Variants in SLC35E3 observed in about 807,000 individuals in gnomAD.
SLC35E3 encodes solute carrier family 35 member E3.
A neutral mutation model predicts 30.8 loss-of-function variants in SLC35E3; 28 were observed. The observed-to-expected ratio is 0.91, with a 90% CI of 0.67 to 1.25. The LOEUF (loss-of-function observed/expected upper bound fraction) is 1.25, where lower values mean the gene tolerates loss of function less well. SLC35E3 is among the 50% of genes most tolerant of loss of function. The pLI is 0.00. For missense variants in SLC35E3, 365 were observed against 375.4 expected, an observed-to-expected ratio of 0.97 and a Z score of 0.23; for synonymous variants, 146 against 149.2, an observed-to-expected ratio of 0.98 and a Z score of 0.16.
chr12:68,761,563 A>T (rs1464002491), intron 4 of SLC35E3, among the ~76,000 whole-genome samples: 2 of 152,118 alleles, frequency 1.3e-5, no homozygotes, highest in Non-Finnish European at 2.9e-5. Context: ...CTACCACCAG[A>T]TGCCAGTAGC....
intron 4 of SLC35E3, 29 bp downstream of exon 4, chr12:68,759,268 A>G (rs892115085): frequency 1.5e-5 from 23 of 1,520,352 alleles, no homozygotes; most frequent in African/African-American, 2.8e-5. Flanking sequence ...TTAGAAATGC[A>G]TCGTCTTTTA....
Position 68,776,875 on chromosome 12 carries a change from A to G in SLC35E3, c.*11985A>G, listed in dbSNP as rs1879760828. 6.6e-6 allele frequency: 1 copy of G among 152,168 alleles called. No homozygotes were observed. Among genetic ancestry groups the G allele is most frequent in the Admixed American group, 6.6e-5 (1 of 15,258 alleles). 9.4% of individuals were successfully genotyped at this position (152,168 alleles called of 1,614,324 possible). A position where few individuals can be genotyped will look rare whatever the true frequency, so the allele number is the denominator to read the frequency against. ...GTTCCAGCCAGGAACAGACTTTCCC[A>G]CCAAGTGGGAGGTGGTCTACCTGCC... On this transcript the variant is annotated 3_prime_UTR_variant, in exon 5 of 5. Coordinates refer to ENST00000398004, the MANE Select transcript of SLC35E3 (RefSeq NM_018656.5).
rs1286733925 is a variant in SLC35E3, at chr12:68,777,214, A to G, written c.*12324A>G. The G allele has an allele frequency of 1.3e-5, 2 of 152,204 alleles. No homozygotes were observed. The highest frequency in any genetic ancestry group is 2.4e-5 in the African/African-American group (1 of 41,448). 9.4% of individuals were successfully genotyped at this position (152,204 alleles called of 1,614,324 possible). ...GCTGCATCAGAGGCCTCCCAGTGCCATAGGACCATGGACATTGGTGAGCAA... is the reference window on the plus strand; with the variant it reads ...GCTGCATCAGAGGCCTCCCAGTGCCGTAGGACCATGGACATTGGTGAGCAA... On this transcript the variant is annotated 3_prime_UTR_variant, in exon 5 of 5. Coordinates refer to ENST00000398004, the MANE Select transcript of SLC35E3 (RefSeq NM_018656.5).
At chr12:68,757,517 CCT>C (rs1437959657) in intron 3 of SLC35E3, among the ~76,000 whole-genome samples, 1 of 152,094 alleles carries the variant, frequency 6.6e-6, no homozygotes, top group Non-Finnish European at 1.5e-5. Flanking sequence ...CATTTGTCCC[CCT>C]GTGCCCAGCC....
intron 4 of SLC35E3, among the ~76,000 whole-genome samples, chr12:68,759,703 TAAA>T (rs765439476): frequency 7.3e-6 from 1 of 136,716 alleles, no homozygotes. Context: ...GACTCTGTCT[TAAA>T]AAAAAAAAAA....
At chr12:68,749,094 T>C (rs1440957282) in intron 2 of SLC35E3, among the ~76,000 whole-genome samples, 3 of 152,342 alleles carry the variant, frequency 2.0e-5, no homozygotes, top group South Asian at 2.1e-4. Flanking sequence ...GAGCAAGTAA[T>C]TGTACTCCTT....
chr12:68,751,027 G>A (rs1592534791), intron 2 of SLC35E3, among the ~76,000 whole-genome samples: 1 of 152,084 alleles, frequency 6.6e-6, no homozygotes, highest in African/African-American at 2.4e-5. Flanking sequence ...TTTTGTGGAC[G>A]AATGGGATTT....
At position 68,779,330 on chromosome 12, in the gene SLC35E3, T is replaced by C. The variant is rs1243680077; in HGVS notation, c.*14440T>C. The C allele has an allele frequency of 1.3e-5, 2 of 152,200 alleles. No individual in the cohort carries two copies. Among genetic ancestry groups the C allele is most frequent in the African/African-American group, 4.8e-5 (2 of 41,464 alleles). The allele number at this position is 152,200 out of a possible 1,614,324, so 9.4% of individuals were successfully genotyped here. A position where few individuals can be genotyped will look rare whatever the true frequency, so the allele number is the denominator to read the frequency against. On this transcript the variant is annotated 3_prime_UTR_variant, in exon 5 of 5. Coordinates refer to ENST00000398004, the MANE Select transcript of SLC35E3 (RefSeq NM_018656.5). ...AAAAGATTTTTGTTTTCTGTACATT[T>C]ATTTAAATTTAAAAAGTATTTAAGC...
chr12:68,759,129 A>G (rs771853315), intron 3 of SLC35E3, 28 bp from the exon 4 acceptor site: 1 of 1,495,902 alleles, frequency 6.7e-7, no homozygotes, highest in East Asian at 2.3e-5. Context: ...AGTGCTTTGC[A>G]TTAATGGTTC....
Position 68,746,217 on chromosome 12 carries a change from CTGTTA to C in SLC35E3, c.-160_-156del. The C allele has an allele frequency of 3.2e-6, 2 of 634,342 alleles. No homozygotes were observed. Among genetic ancestry groups the C allele is most frequent in the Non-Finnish European group, 5.3e-6 (2 of 378,028 alleles). 39.3% of individuals were successfully genotyped at this position (634,342 alleles called of 1,614,324 possible). A position where few individuals can be genotyped will look rare whatever the true frequency, so the allele number is the denominator to read the frequency against. The stretch of plus-strand genomic sequence containing the variant: ...AGGGCGGCGGCGGGGTGTGTGTCCT[CTGTTA>C]AGAGTGCTACTCGCCCGGGGTTGAT... On this transcript the variant is annotated 5_prime_UTR_variant, in exon 1 of 5. Coordinates refer to ENST00000398004, the MANE Select transcript of SLC35E3 (RefSeq NM_018656.5).
rs1879653235 is a variant in SLC35E3 at position 68,773,213 on chromosome 12, G to C, written c.*8323G>C. On this transcript the variant is annotated 3_prime_UTR_variant, in exon 5 of 5. Transcript: ENST00000398004. ...TACATTTAAGAATAAACTTTTGTAA[G>C]GAAGTAAAAAAGAGTCTACAGTTCA... 6.6e-6 allele frequency: 1 copy of C among 152,098 alleles called. No homozygotes were observed. The allele number at this position is 152,098 out of a possible 1,614,324, so 9.4% of individuals were successfully genotyped here.
Position 68,777,481 on chromosome 12 carries a change from T to C in SLC35E3, c.*12591T>C, listed in dbSNP as rs1879775287. 6.6e-6 allele frequency: 1 copy of C among 152,154 alleles called. No individual in the cohort carries two copies. The highest frequency in any genetic ancestry group is 6.6e-5 in the Admixed American group (1 of 15,262). 9.4% of individuals were successfully genotyped at this position (152,154 alleles called of 1,614,324 possible). On this transcript the variant is annotated 3_prime_UTR_variant, in exon 5 of 5. Transcript: ENST00000398004. ...AAATGCTGACATTCCTTCTGTCCAC[T>C]CCTCTCCCCACACTGCACTGTGTGG... is the stretch of plus-strand genomic sequence containing the variant.
Position 68,772,784 on chromosome 12 carries a change from C to A in SLC35E3, c.*7894C>A, listed in dbSNP as rs11616005. 0.19 allele frequency: 29,113 copies of A among 152,058 alleles called. 3,478 individuals are homozygous for A. Among genetic ancestry groups the A allele is most frequent in the South Asian group, 0.36 (1,722 of 4,816 alleles). 9.4% of individuals were successfully genotyped at this position (152,058 alleles called of 1,614,324 possible). On this transcript the variant is annotated 3_prime_UTR_variant, in exon 5 of 5. Transcript: ENST00000398004. Reference sequence around the variant, plus strand: ...ATCCAACGATCTGTATCAACCACGTCTTCATTTTCCTTTTCCTGTTTGTCT... The same window carrying A: ...ATCCAACGATCTGTATCAACCACGTATTCATTTTCCTTTTCCTGTTTGTCT...
In SLC35E3 at chr12:68,766,245, G is replaced by A. The variant is rs950781870; in HGVS notation, c.*1355G>A. ...CTCACACCTGTAATCCCAGCACTTTGGAAGGTTGAGGCAGGCAGATCACCT... is the reference window on the plus strand; with the variant it reads ...CTCACACCTGTAATCCCAGCACTTTAGAAGGTTGAGGCAGGCAGATCACCT... On this transcript the variant is annotated 3_prime_UTR_variant, in exon 5 of 5. Transcript: ENST00000398004. 1 of 152,038 alleles carries A rather than the reference G, an allele frequency of 6.6e-6. No homozygotes were observed. Among genetic ancestry groups the A allele is most frequent in the African/African-American group, 2.4e-5 (1 of 41,382 alleles). 9.4% of individuals were successfully genotyped at this position (152,038 alleles called of 1,614,324 possible).
intron 3 of SLC35E3, among the ~76,000 whole-genome samples, chr12:68,758,467 G>A (rs1418845254): frequency 5.3e-5 from 8 of 151,896 alleles, no homozygotes; most frequent in African/African-American, 1.9e-4. Context: ...AGATGTTAAT[G>A]TGTGGGTGGT....
In SLC35E3 at chr12:68,779,416, T is replaced by C. The variant is rs1879827046; in HGVS notation, c.*14526T>C. On this transcript the variant is annotated 3_prime_UTR_variant, in exon 5 of 5. Coordinates refer to ENST00000398004, the MANE Select transcript of SLC35E3 (RefSeq NM_018656.5). ...AATAGTGAGTCATTAGATTTCAAAA[T>C]ATTGGTATTGAACCAGATGGTCTTG... is the stretch of plus-strand genomic sequence containing the variant. 4 of 152,216 alleles carry C rather than the reference T, an allele frequency of 2.6e-5. No homozygotes were observed. Among genetic ancestry groups the C allele is most frequent in the Admixed American group, 2.6e-4 (4 of 15,276 alleles). The allele number at this position is 152,216 out of a possible 1,614,324, so 9.4% of individuals were successfully genotyped here.
chr12:68,748,384 G>A (rs1027669373), intron 2 of SLC35E3, among the ~76,000 whole-genome samples: 1 of 152,024 alleles, frequency 6.6e-6, no homozygotes, highest in African/African-American at 2.4e-5. Context: ...TTTTAACATT[G>A]TTGTGAAGGA....
At chr12:68,748,711 A>G (rs1878687550) in intron 2 of SLC35E3, among the ~76,000 whole-genome samples, 1 of 152,226 alleles carries the variant, frequency 6.6e-6, no homozygotes, top group Non-Finnish European at 1.5e-5. Context: ...GAGAAAAAAT[A>G]ACTTGCTGTA....
At position 68,759,210 on chromosome 12, in the gene SLC35E3, T is replaced by C. The variant is rs766613660; in HGVS notation, c.726T>C (p.Tyr242=). ...VIAFMVNLSI[Y]WIIGNTSPVT... The stretch of plus-strand genomic sequence containing the variant: ...CTTTCATGGTGAACTTATCAATTTA[T>C]TGGATCATTGGGAACACTTCACCTG... The change falls in exon 4 of 5, where the codon TAT becomes TAC. Residue 242 remains tyrosine (Y), a synonymous_variant. Coordinates refer to ENST00000398004, the MANE Select transcript of SLC35E3 (RefSeq NM_018656.5). 1 of 1,613,598 alleles carries C rather than the reference T, an allele frequency of 6.2e-7. No individual in the cohort carries two copies. The highest frequency in any genetic ancestry group is 8.5e-7 in the Non-Finnish European group (1 of 1,179,562).
Sources: allele counts gnomAD v4.1 joint callset (sites outside exome capture counted in the v4.1 genomes callset), GRCh38; gene constraint gnomAD v4.1.1; transcripts MANE v1.5; gene names NCBI Gene and HGNC (gene_info 2026-07-23, HGNC 2026-07-21).